Variants in RBFOX1 observed in about 807,000 individuals in gnomAD.
RBFOX1 encodes the protein RNA binding protein fox-1 homolog 1.
A neutral mutation model predicts 57.7 loss-of-function variants in RBFOX1; 8 were observed. The observed-to-expected ratio is 0.14, with a 90% confidence interval of 0.08 to 0.25. The LOEUF is 0.25. Among genes scored for constraint, RBFOX1 ranks in the 10% least tolerant of loss-of-function variants. RBFOX1 has a pLI of 1.00. For synonymous variants in RBFOX1, 326 were observed against 222.4 expected, an observed-to-expected ratio of 1.47 and a Z score of -4.15; for missense variants, 611 against 548.5, an observed-to-expected ratio of 1.11 and a Z score of -1.14.
At chr16:6,677,779 T>C (rs1319899274) in intron 3 of RBFOX1, among the ~76,000 whole-genome samples, 2 of 152,196 alleles carry the variant, frequency 1.3e-5, no homozygotes, top group Admixed American at 1.3e-4. Context: ...TACAAGTTAT[T>C]AATATAGAGG....
chr16:5,348,257 C>A (rs1416226402), intron 1 of RBFOX1, among the ~76,000 whole-genome samples: 2 of 152,152 alleles, frequency 1.3e-5, no homozygotes, highest in African/African-American at 4.8e-5. Context: ...CCCATCCATC[C>A]TGTTCCCCAT....
chr16:6,358,978 C>T (rs1051122647), intron 2 of RBFOX1, among the ~76,000 whole-genome samples: 7 of 152,178 alleles, frequency 4.6e-5, no homozygotes, highest in Non-Finnish European at 1.0e-4. Context: ...GCTCTGTCGG[C>T]GCCTATAGAA....
intron 3 of RBFOX1, among the ~76,000 whole-genome samples, chr16:6,900,828 T>C (rs984053067): frequency 6.6e-5 from 10 of 152,166 alleles, no homozygotes; most frequent in African/African-American, 1.9e-4. Context: ...TAACATGTTA[T>C]GGTTGTTGAG....
chr16:6,631,904 G>C (rs139348200), intron 2 of RBFOX1, among the ~76,000 whole-genome samples: 162 of 152,292 alleles, frequency 1.1e-3, no homozygotes, highest in Non-Finnish European at 1.9e-3. Context: ...CCAAAGAGGA[G>C]TGAGCAGGAA....
intron 1 of RBFOX1, among the ~76,000 whole-genome samples, chr16:6,250,359 T>C (rs552493374): frequency 4.6e-5 from 7 of 152,350 alleles, no homozygotes; most frequent in South Asian, 2.1e-4. Flanking sequence ...TTAAGCGAAC[T>C]ACCTCATGAC....
chr16:6,781,618 C>T (rs913465974), intron 3 of RBFOX1, among the ~76,000 whole-genome samples: 20 of 152,020 alleles, frequency 1.3e-4, no homozygotes, highest in African/African-American at 4.8e-4. Flanking sequence ...ATTGATTTAT[C>T]CATGTTTACT....
At chr16:6,210,189 G>C (rs1451955427) in intron 1 of RBFOX1, among the ~76,000 whole-genome samples, 1 of 151,260 alleles carries the variant, frequency 6.6e-6, no homozygotes, top group African/African-American at 2.4e-5. Flanking sequence ...ATGGTGGTGG[G>C]CGCCTTTAAT....
intron 4 of RBFOX1, among the ~76,000 whole-genome samples, chr16:7,178,379 A>C (rs935807969): frequency 3.3e-5 from 5 of 152,206 alleles, no homozygotes; most frequent in African/African-American, 1.2e-4. Flanking sequence ...GGGCATAGCT[A>C]CTTGCAAGGA....
At chr16:5,973,141 A>G (rs1474306275) in intron 4 of RBFOX1, among the ~76,000 whole-genome samples, 2 of 152,198 alleles carry the variant, frequency 1.3e-5, no homozygotes, top group Admixed American at 1.3e-4. Flanking sequence ...ACCTTATGAT[A>G]TTGGTAAATG....
chr16:6,332,854 C>G (rs535258775), intron 2 of RBFOX1, among the ~76,000 whole-genome samples: 1 of 152,254 alleles, frequency 6.6e-6, no homozygotes. Flanking sequence ...AGAGATGAAT[C>G]CTTCATTGAT....
intron 4 of RBFOX1, among the ~76,000 whole-genome samples, chr16:7,366,256 C>A (rs1047510230): frequency 6.6e-6 from 1 of 152,190 alleles, no homozygotes; most frequent in Non-Finnish European, 1.5e-5. Flanking sequence ...ATTTGTAAAT[C>A]CGATGTTGTT....
At chr16:7,571,804 C>T (rs2092804452) in intron 5 of RBFOX1, among the ~76,000 whole-genome samples, 2 of 144,934 alleles carry the variant, frequency 1.4e-5, no homozygotes, top group Non-Finnish European at 3.1e-5. Context: ...GGGGAGGCTG[C>T]GTCTCAGAGT....
chr16:6,683,275 T>G (rs147031045), intron 3 of RBFOX1, among the ~76,000 whole-genome samples: 2,567 of 152,312 alleles, frequency 0.017, 40 homozygotes, highest in Non-Finnish European at 0.025. Flanking sequence ...TCAAATTTTT[T>G]CAAGCCTGTT....
chr16:7,086,234 C>T (rs1221766155), intron 4 of RBFOX1, among the ~76,000 whole-genome samples: 1 of 152,136 alleles, frequency 6.6e-6, no homozygotes, highest in African/African-American at 2.4e-5. Context: ...GACATTTTGC[C>T]ATGCGCAGTT....
intron 1 of RBFOX1, among the ~76,000 whole-genome samples, chr16:6,034,882 G>A (rs2095344663): frequency 6.7e-6 from 1 of 149,750 alleles, no homozygotes. Flanking sequence ...AGGGTTACAG[G>A]GTGGATGGTC....
chr16:5,250,261 CTTTTCT>C, intron 1 of RBFOX1, among the ~76,000 whole-genome samples: 1 of 152,106 alleles, frequency 6.6e-6, no homozygotes, highest in Middle Eastern at 3.4e-3. Context: ...ACATCTTTTT[CTTTTCT>C]TTTTATTTTT....
At chr16:5,939,206 T>C (rs571041426) in intron 4 of RBFOX1, among the ~76,000 whole-genome samples, 1 of 152,304 alleles carries the variant, frequency 6.6e-6, no homozygotes, top group African/African-American at 2.4e-5. Flanking sequence ...AACCTGCCCA[T>C]TGTGCACATG....
intron 3 of RBFOX1, among the ~76,000 whole-genome samples, chr16:7,023,801 A>T (rs1283403377): frequency 6.6e-6 from 1 of 151,886 alleles, no homozygotes; most frequent in Admixed American, 6.6e-5. Flanking sequence ...CCTTCTGAAC[A>T]CTCTGGAGTA....
At chr16:6,000,749 A>G (rs79947879) in intron 4 of RBFOX1, among the ~76,000 whole-genome samples, 3 of 133,882 alleles carry the variant, frequency 2.2e-5, no homozygotes, top group South Asian at 6.3e-4. Context: ...GGGTAGATGG[A>G]TGGATGAGTG....
Sources: allele counts gnomAD v4.1 joint callset (sites outside exome capture counted in the v4.1 genomes callset), GRCh38; gene constraint gnomAD v4.1.1; transcripts MANE v1.5; gene names NCBI Gene and HGNC (gene_info 2026-07-23, HGNC 2026-07-21).